DPF3: variants seen among roughly 807,000 people sequenced by gnomAD.
The protein encoded by DPF3 is zinc finger protein DPF3.
DPF3 carries 18 observed loss-of-function variants against 56.8 expected under a neutral mutation model. The observed-to-expected ratio is 0.32, with a 90% CI of 0.22 to 0.47. The LOEUF (loss-of-function observed/expected upper bound fraction) is 0.47, where lower values mean the gene tolerates loss of function less well. DPF3 is among the 20% of genes least tolerant of loss of function. DPF3 has a pLI of 1.00. For missense variants in DPF3, 403 were observed against 488.8 expected (o/e 0.82, Z 1.65); for synonymous variants, 188 against 180.2 (o/e 1.04, Z -0.35).
chr14:72,814,093 T>G (rs995134048), intron 1 of DPF3, among the ~76,000 whole-genome samples: 1 of 152,110 alleles, frequency 6.6e-6, no homozygotes, highest in African/African-American at 2.4e-5. Flanking sequence ...TTTTAAAAAC[T>G]CCAGACGGGT....
intron 1 of DPF3, among the ~76,000 whole-genome samples, chr14:72,784,279 C>T (rs1468760409): frequency 6.6e-6 from 1 of 152,114 alleles, no homozygotes; most frequent in Non-Finnish European, 1.5e-5. Flanking sequence ...GTTATGTCCC[C>T]AAACTTAAGT....
intron 1 of DPF3, among the ~76,000 whole-genome samples, chr14:72,776,438 C>A (rs1891747035): frequency 6.6e-6 from 1 of 152,052 alleles, no homozygotes; most frequent in African/African-American, 2.4e-5. Context: ...AGAAGCCAGC[C>A]CAGCTCTGAG....
intron 3 of DPF3, among the ~76,000 whole-genome samples, chr14:72,744,345 T>C (rs1890244728): frequency 6.6e-6 from 1 of 151,842 alleles, no homozygotes. Flanking sequence ...CAATCATGGC[T>C]CACTGCAGCC....
At chr14:72,662,465 T>A in intron 8 of DPF3, 1 of 983,728 alleles carries the variant, frequency 1.0e-6, no homozygotes. Flanking sequence ...TAGTTAACTC[T>A]TTTTTTCCAT....
intron 8 of DPF3, among the ~76,000 whole-genome samples, chr14:72,647,497 C>G (rs547061868): frequency 6.6e-6 from 1 of 152,306 alleles, no homozygotes; most frequent in Non-Finnish European, 1.5e-5. Flanking sequence ...CATATACTCT[C>G]TCCCCAAGAT....
chr14:72,708,735 A>G (rs1283316624), intron 6 of DPF3, among the ~76,000 whole-genome samples: 1 of 152,212 alleles, frequency 6.6e-6, no homozygotes, highest in Non-Finnish European at 1.5e-5. Context: ...TTGTCTGTCC[A>G]GTCAGCAGAT....
chr14:72,624,458 C>A (rs1478615132), intron 9 of DPF3, among the ~76,000 whole-genome samples: 1 of 151,450 alleles, frequency 6.6e-6, no homozygotes, highest in African/African-American at 2.4e-5. Context: ...CCTGCCTCAG[C>A]GTCCTGAGTA....
At chr14:72,697,786 G>T (rs74737505) in intron 6 of DPF3, among the ~76,000 whole-genome samples, 1,688 of 152,274 alleles carry the variant, frequency 0.011, 39 homozygotes, top group East Asian at 0.067. Context: ...AATGGGGTGG[G>T]AGAGGGGTTA....
At chr14:72,759,199 T>A (rs1203250892) in intron 2 of DPF3, among the ~76,000 whole-genome samples, 1 of 152,068 alleles carries the variant, frequency 6.6e-6, no homozygotes, top group Non-Finnish European at 1.5e-5. Flanking sequence ...GATTAGATAT[T>A]GCAGAAGAAA....
chr14:72,740,330 CT>C (rs559201070), intron 3 of DPF3, among the ~76,000 whole-genome samples: 82 of 152,306 alleles, frequency 5.4e-4, no homozygotes, highest in African/African-American at 1.9e-3. Context: ...CAGAATCACT[CT>C]GAGAATAAGT....
intron 1 of DPF3, among the ~76,000 whole-genome samples, chr14:72,878,382 C>T (rs536380788): frequency 6.6e-6 from 1 of 152,236 alleles, no homozygotes; most frequent in African/African-American, 2.4e-5. Context: ...GACACAGAGT[C>T]GTAGGGAAAA....
chr14:72,822,065 A>G (rs1883570737), intron 1 of DPF3, among the ~76,000 whole-genome samples: 2 of 152,170 alleles, frequency 1.3e-5, no homozygotes, highest in Admixed American at 6.5e-5. Flanking sequence ...AATGCTATGC[A>G]TCTGTTAAAA....
chr14:72,753,151 TC>T, intron 3 of DPF3, 112 bp downstream of exon 3: 1 of 886,098 alleles, frequency 1.1e-6, no homozygotes, highest in Non-Finnish European at 1.7e-6. Context: ...ATGTTCCCTC[TC>T]CCAGAAAACT....
At chr14:72,647,549 T>C (rs904443828) in intron 8 of DPF3, among the ~76,000 whole-genome samples, 1 of 152,234 alleles carries the variant, frequency 6.6e-6, no homozygotes, top group Admixed American at 6.5e-5. Flanking sequence ...ATTTCCTTTG[T>C]AGGATTAAAA....
chr14:72,669,418 C>T (rs368003753), intron 8 of DPF3, among the ~76,000 whole-genome samples: 5 of 152,346 alleles, frequency 3.3e-5, no homozygotes, highest in Admixed American at 3.3e-4. Flanking sequence ...AGTGCAGAAT[C>T]TTCCAAACAG....
intron 8 of DPF3, among the ~76,000 whole-genome samples, chr14:72,651,922 C>A (rs1337288695): frequency 6.6e-6 from 1 of 152,170 alleles, no homozygotes; most frequent in Non-Finnish European, 1.5e-5. Context: ...GGCATAACTC[C>A]ACGTCACTGA....
intron 8 of DPF3, chr14:72,669,873 A>G: frequency 1.0e-6 from 1 of 985,356 alleles, no homozygotes; most frequent in Non-Finnish European, 1.2e-6. Context: ...GCTGGGGGAA[A>G]AAGGAAAAAG....
chr14:72,787,508 C>T (rs964857998), intron 1 of DPF3, among the ~76,000 whole-genome samples: 5 of 152,176 alleles, frequency 3.3e-5, no homozygotes, highest in Non-Finnish European at 5.9e-5. Context: ...GGGCTCCAGT[C>T]TCTAATCACA....
chr14:72,790,449 T>C (rs1892383050), intron 1 of DPF3, among the ~76,000 whole-genome samples: 1 of 152,184 alleles, frequency 6.6e-6, no homozygotes, highest in East Asian at 1.9e-4. Context: ...TAATACATGA[T>C]GGCTACTTAA....
Sources: gnomAD v4.1 joint callset for allele counts (sites outside exome capture counted in the v4.1 genomes callset) on GRCh38, gnomAD v4.1.1 for gene constraint, MANE v1.5 for transcripts, NCBI Gene and HGNC (gene_info 2026-07-23, HGNC 2026-07-21) for gene names.